WWTR1: variants seen among roughly 807,000 people sequenced by gnomAD.
WWTR1 encodes the protein WW domain containing transcription regulator 1, also known as WW domain-containing transcription regulator protein 1.
A neutral mutation model predicts 40.1 loss-of-function variants in WWTR1; 13 were observed. That is an observed-to-expected ratio of 0.32 (90% CI 0.21 to 0.52). WWTR1 has a LOEUF of 0.52. Among genes scored for constraint, WWTR1 ranks in the 20% least tolerant of loss-of-function variants. The probability of loss-of-function intolerance (pLI) is 0.97; values close to 1 mark genes in which losing one functional copy is unlikely to be tolerated. For missense variants in WWTR1, 436 were observed against 523.1 expected (o/e 0.83, Z 1.63); for synonymous variants, 230 against 210.1 (o/e 1.09, Z -0.82).
intron 3 of WWTR1, among the ~76,000 whole-genome samples, chr3:149,565,172 C>G (rs1391344794): frequency 2.0e-5 from 3 of 151,904 alleles, no homozygotes; most frequent in Non-Finnish European, 4.4e-5. Flanking sequence ...GGGCAACGGA[C>G]CAAGATTGCA....
intron 2 of WWTR1, among the ~76,000 whole-genome samples, chr3:149,576,865 A>G (rs1737908177): frequency 6.6e-6 from 1 of 152,218 alleles, no homozygotes; most frequent in Admixed American, 6.5e-5. Context: ...AAAAGACAAA[A>G]AAGAAAATTG....
Position 149,656,785 on chromosome 3 carries a change from T to TCACACACACA in WWTR1, c.431+90_431+91insTGTGTGTGTG, listed in dbSNP as rs1373516706. On this transcript the variant is annotated intron_variant, in intron 2 of 6. Coordinates refer to ENST00000360632, the MANE Select transcript of WWTR1 (RefSeq NM_015472.6). Reference sequence around the variant, plus strand: ...CTCTTTCTCTCTCTCTCTCTCTCTCTCTCTCTCACACACACACACACACAC... The same window carrying TCACACACACA: ...CTCTTTCTCTCTCTCTCTCTCTCTCTCACACACACACTCTCTCACACACACACACACACAC... The TCACACACACA allele has an allele frequency of 9.5e-5, 83 of 876,612 alleles. 1 individual carries two copies. The East Asian group carries it at 2.0e-3, about 21-fold the overall frequency. 54.3% of individuals were successfully genotyped at this position (876,612 alleles called of 1,614,324 possible).
At chr3:149,666,482 T>C (rs572740674) in intron 2 of WWTR1, among the ~76,000 whole-genome samples, 3 of 152,202 alleles carry the variant, frequency 2.0e-5, no homozygotes, top group Non-Finnish European at 2.9e-5. Context: ...TGCCACACAA[T>C]ACATCCTAAT....
In WWTR1 at chr3:149,582,823, C is replaced by T. The variant is rs1017644060; in HGVS notation, c.432-9823G>A. On this transcript the variant is annotated intron_variant, in intron 2 of 6. Coordinates refer to ENST00000360632, the MANE Select transcript of WWTR1 (RefSeq NM_015472.6). ...CACAACAATGTGAGAGTCTATTTCA[C>T]GATATTATTTCCAGATGTCAAGTAT... Among the ~76,000 whole-genome samples the T allele has an allele frequency of 3.1e-4, 47 of 152,200 alleles. No homozygotes were observed. In the South Asian group the frequency reaches 6.0e-3, roughly 20 times the overall value.
intron 2 of WWTR1, among the ~76,000 whole-genome samples, chr3:149,645,621 AT>A (rs1315602401): frequency 6.6e-6 from 1 of 152,178 alleles, no homozygotes; most frequent in East Asian, 1.9e-4. Flanking sequence ...CACATTTACC[AT>A]TTGCTTGGGT....
upstream of WWTR1, among the ~76,000 whole-genome samples, chr3:149,705,410 A>G (rs1243872486): frequency 2.0e-5 from 3 of 152,248 alleles, no homozygotes; most frequent in African/African-American, 7.2e-5. Flanking sequence ...TATCAAGACC[A>G]AGAATTCAAA....
intron 3 of WWTR1, among the ~76,000 whole-genome samples, chr3:149,560,452 A>C (rs1376419654): frequency 6.6e-6 from 1 of 152,176 alleles, no homozygotes; most frequent in Non-Finnish European, 1.5e-5. Flanking sequence ...AGCCGCCCTG[A>C]GCATTTGTTT....
At chr3:149,538,772 A>C (rs1418412599) in intron 4 of WWTR1, among the ~76,000 whole-genome samples, 1 of 152,216 alleles carries the variant, frequency 6.6e-6, no homozygotes, top group Non-Finnish European at 1.5e-5. Flanking sequence ...AAAGTCAAAG[A>C]TGGTAGCCAC....
upstream of WWTR1, among the ~76,000 whole-genome samples, chr3:149,704,440 T>C (rs1003179075): frequency 1.3e-5 from 2 of 152,044 alleles, no homozygotes; most frequent in South Asian, 2.1e-4. Context: ...GCAGAAGATA[T>C]AACAGAGGGT....
intron 2 of WWTR1, among the ~76,000 whole-genome samples, chr3:149,611,253 C>A (rs903228577): frequency 2.0e-5 from 3 of 152,152 alleles, no homozygotes; most frequent in South Asian, 4.1e-4. Context: ...AAGAAAGCTG[C>A]GTAGCAAGAC....
chr3:149,651,631 A>G (rs1418807515), intron 2 of WWTR1, among the ~76,000 whole-genome samples: 2 of 152,216 alleles, frequency 1.3e-5, no homozygotes, highest in Non-Finnish European at 2.9e-5. Context: ...ACTAAAAGGT[A>G]ACACAAATTT....
At chr3:149,704,464 C>T (rs541339716), upstream of WWTR1, among the ~76,000 whole-genome samples, 91 of 152,236 alleles carry the variant, frequency 6.0e-4, no homozygotes, top group Non-Finnish European at 1.0e-3. Flanking sequence ...TAAGCCAGAG[C>T]TAGGACACTA....
In WWTR1 at chr3:149,517,391, A is replaced by C. The variant is rs1734835233; in HGVS notation, c.*3414T>G. 6.6e-6 allele frequency: 1 copy of C among 152,240 alleles called. No individual in the cohort carries two copies. 9.4% of individuals were successfully genotyped at this position (152,240 alleles called of 1,614,324 possible). Reference sequence around the variant, plus strand: ...AAAATAGAAATTTTTATATTACAAAACGTAGAAGTAAAATTTTAAAAAGTT... The same window carrying C: ...AAAATAGAAATTTTTATATTACAAACCGTAGAAGTAAAATTTTAAAAAGTT... On this transcript the variant is annotated 3_prime_UTR_variant, in exon 7 of 7. Coordinates refer to ENST00000360632, the MANE Select transcript of WWTR1 (RefSeq NM_015472.6).
chr3:149,568,535 A>AAAAAC, intron 3 of WWTR1, among the ~76,000 whole-genome samples: 1 of 138,152 alleles, frequency 7.2e-6, no homozygotes, highest in Non-Finnish European at 1.6e-5. Flanking sequence ...AAAAAAAAAA[A>AAAAAC]AAAAAAAAAA....
At chr3:149,543,598 A>AAAAAAAAAAAAAAAAAAC (rs1736235622) in intron 3 of WWTR1, among the ~76,000 whole-genome samples, 1 of 140,572 alleles carries the variant, frequency 7.1e-6, no homozygotes, top group African/African-American at 2.5e-5. Context: ...AAAAAAAAAA[A>AAAAAAAAAAAAAAAAAAC]AAAAAGAACT....
intron 2 of WWTR1, among the ~76,000 whole-genome samples, chr3:149,619,512 A>T (rs1420823290): frequency 6.6e-6 from 1 of 152,128 alleles, no homozygotes; most frequent in Admixed American, 6.6e-5. Flanking sequence ...AGTCCCAGCT[A>T]CTCAGGAGGC....
intron 2 of WWTR1, among the ~76,000 whole-genome samples, chr3:149,638,337 T>G (rs546457394): frequency 6.6e-6 from 1 of 152,114 alleles, no homozygotes; most frequent in Non-Finnish European, 1.5e-5. Flanking sequence ...TTTATTAACA[T>G]ATTCCAAAAA....
Position 149,517,527 on chromosome 3 carries a change from A to G in WWTR1, c.*3278T>C, listed in dbSNP as rs1289608839. On this transcript the variant is annotated 3_prime_UTR_variant, in exon 7 of 7. Coordinates refer to ENST00000360632, the MANE Select transcript of WWTR1 (RefSeq NM_015472.6). Reference sequence around the variant, plus strand: ...TTTAACAGCTTATTTTTTTCATAAAAGTTGTACTTTGAGAAGTTACTTTCT... The same window carrying G: ...TTTAACAGCTTATTTTTTTCATAAAGGTTGTACTTTGAGAAGTTACTTTCT... The G allele has an allele frequency of 6.6e-6, 1 of 152,166 alleles. No homozygotes were observed. Among genetic ancestry groups the G allele is most frequent in the African/African-American group, 2.4e-5 (1 of 41,432 alleles). The allele number at this position is 152,166 out of a possible 1,614,324, so 9.4% of individuals were successfully genotyped here.
At position 149,520,935 on chromosome 3, in the gene WWTR1, G is replaced by A; in HGVS notation, c.1073C>T (p.Pro358Leu). The A allele has an allele frequency of 6.2e-7, 1 of 1,613,352 alleles. No individual in the cohort carries two copies. The highest frequency in any genetic ancestry group is 8.5e-7 in the Non-Finnish European group (1 of 1,179,710). Residue 358 changes from proline (P) to leucine (L), a missense_variant, in exon 7 of 7, where the codon CCT becomes CTT. Pro to Leu is a moderately conservative substitution (Grantham distance 98). Coordinates refer to ENST00000360632, the MANE Select transcript of WWTR1 (RefSeq NM_015472.6). ...MNINPQQTRF[P>L]DFLDCLPGTN... ...TCCTGGAAGACAGTCAAGGAAATCA[G>A]GGAAACGGGTCTGTTGGGGATTGAT...
Sources: allele counts gnomAD v4.1 joint callset (sites outside exome capture counted in the v4.1 genomes callset), GRCh38; gene constraint gnomAD v4.1.1; transcripts MANE v1.5; gene names NCBI Gene and HGNC (gene_info 2026-07-23, HGNC 2026-07-21).